Variants in ASXL2 observed in about 807,000 individuals in gnomAD.
ASXL2 encodes the protein putative Polycomb group protein ASXL2.
Under a neutral mutation model 122.0 loss-of-function variants are expected in ASXL2, and 23 were observed. That is an observed-to-expected ratio of 0.19 (90% confidence interval 0.14 to 0.27). The LOEUF (loss-of-function observed/expected upper bound fraction) is 0.27, where lower values mean the gene tolerates loss of function less well. Among genes scored for constraint, ASXL2 ranks in the 10% least tolerant of loss-of-function variants. The pLI is 1.00. For synonymous variants in ASXL2, 650 were observed against 637.0 expected, an observed-to-expected ratio of 1.02 and a Z score of -0.31; for missense variants, 1,518 against 1,713.8, an observed-to-expected ratio of 0.89 and a Z score of 2.02.
At chr2:25,835,905 T>C (rs2089504772) in intron 2 of ASXL2, among the ~76,000 whole-genome samples, 1 of 152,214 alleles carries the variant, frequency 6.6e-6, no homozygotes, top group African/African-American at 2.4e-5. Flanking sequence ...CAAGGAGCCA[T>C]CATAACGCCA....
At chr2:25,856,443 C>T in intron 1 of ASXL2, 2 of 877,830 alleles carry the variant, frequency 2.3e-6, no homozygotes, top group East Asian at 3.0e-5. Flanking sequence ...CCAGTGGAGT[C>T]CTGGAGTCTC....
At chr2:25,760,443 T>G (rs1396885673) in intron 8 of ASXL2, among the ~76,000 whole-genome samples, 2 of 152,160 alleles carry the variant, frequency 1.3e-5, no homozygotes, top group Non-Finnish European at 2.9e-5. Context: ...GGCAAAATAT[T>G]GTAATATGGT....
chr2:25,781,926 T>G (rs1336297198), intron 5 of ASXL2, among the ~76,000 whole-genome samples: 1 of 145,976 alleles, frequency 6.9e-6, no homozygotes, highest in Non-Finnish European at 1.5e-5. Context: ...CCTCCCAAAG[T>G]GCTAGGATAA....
chr2:25,838,675 T>C (rs536646726), intron 2 of ASXL2, among the ~76,000 whole-genome samples: 18 of 152,288 alleles, frequency 1.2e-4, no homozygotes, highest in African/African-American at 4.3e-4. Flanking sequence ...GCTCTTTGTT[T>C]CTCTGCAAAC....
chr2:25,868,448 G>A (rs2089927886), intron 1 of ASXL2, among the ~76,000 whole-genome samples: 1 of 152,220 alleles, frequency 6.6e-6, no homozygotes, highest in Non-Finnish European at 1.5e-5. Context: ...CTTACTCAGA[G>A]GATACTATAA....
At chr2:25,805,541 A>T (rs1266283204) in intron 4 of ASXL2, among the ~76,000 whole-genome samples, 1 of 152,108 alleles carries the variant, frequency 6.6e-6, no homozygotes, top group Admixed American at 6.5e-5. Context: ...CCCAACTGTG[A>T]ATTGTGAGAG....
rs2087771346 is a variant in ASXL2 at position 25,738,396 on chromosome 2, C to G, written c.*3633G>C. 6.6e-6 allele frequency: 1 copy of G among 152,158 alleles called. No individual in the cohort carries two copies. The allele number at this position is 152,158 out of a possible 1,614,324, so 9.4% of individuals were successfully genotyped here. On this transcript the variant is annotated 3_prime_UTR_variant, in exon 13 of 13. Coordinates refer to ENST00000435504, the MANE Select transcript of ASXL2 (RefSeq NM_018263.6). Reference sequence around the variant, plus strand: ...GGCCCCTGCCTATCACCATGTTTCTCAAAGTCTCTTTGGACTATTCTATAA... The same window carrying G: ...GGCCCCTGCCTATCACCATGTTTCTGAAAGTCTCTTTGGACTATTCTATAA...
In ASXL2 at chr2:25,781,959, C is replaced by CTTTTTTTTTTTTTTTTTTTTTT; in HGVS notation, c.404-10420_404-10419insAAAAAAAAAAAAAAAAAAAAAA. ...TAACAGGCGTGAGCCACCGCCCGGGCTTTTTTCTTTTTTTTTTTTTTTTTT... is the reference window on the plus strand; with the variant it reads ...TAACAGGCGTGAGCCACCGCCCGGGCTTTTTTTTTTTTTTTTTTTTTTTTTTTTCTTTTTTTTTTTTTTTTTT... On this transcript the variant is annotated intron_variant, in intron 5 of 12. Transcript: ENST00000435504. Among the ~76,000 whole-genome samples, 2 of 88,400 alleles carry CTTTTTTTTTTTTTTTTTTTTTT rather than the reference C, an allele frequency of 2.3e-5. 1 individual carries two copies. The highest frequency in any genetic ancestry group is 4.7e-5 in the Non-Finnish European group (2 of 42,690). The allele number at this position is 88,400 out of a possible 152,430, so 58.0% of individuals were successfully genotyped here.
At chr2:25,872,750 A>G (rs879035844) in intron 1 of ASXL2, among the ~76,000 whole-genome samples, 1 of 152,198 alleles carries the variant, frequency 6.6e-6, no homozygotes, top group Admixed American at 6.5e-5. Context: ...CTGTTAATGA[A>G]AACAGTTTAC....
intron 3 of ASXL2, among the ~76,000 whole-genome samples, chr2:25,827,654 C>T (rs1237963494): frequency 6.6e-6 from 1 of 152,170 alleles, no homozygotes; most frequent in Non-Finnish European, 1.5e-5. Flanking sequence ...TTTGTTTCTT[C>T]ATACTCTTTT....
chr2:25,853,814 C>T (rs778577988), intron 1 of ASXL2, among the ~76,000 whole-genome samples: 8 of 151,792 alleles, frequency 5.3e-5, no homozygotes, highest in South Asian at 4.1e-4. Context: ...CAGCCTTATT[C>T]ATCTAGTATT....
chr2:25,863,962 C>T (rs1364427034), intron 1 of ASXL2, among the ~76,000 whole-genome samples: 3 of 150,072 alleles, frequency 2.0e-5, no homozygotes, highest in Non-Finnish European at 4.4e-5. Flanking sequence ...GCTGAGATCA[C>T]GCCACTGCAC....
chr2:25,768,812 G>A lies in ASXL2; in HGVS notation c.561C>T (p.Ser187=), dbSNP rs2088397285. Residue 187 remains serine, a synonymous_variant, in exon 7 of 13, where the codon TCC becomes TCT. Coordinates refer to ENST00000435504, the MANE Select transcript of ASXL2 (RefSeq NM_018263.6). ...KQQQQCRPSI[S]ISSNQHLSLK... ...GTGAGAGATGCTGGTTGGAGGAGAT[G>A]GATATGCTTGGCCTGCATTGCTGCT... 4 of 1,613,734 alleles carry A rather than the reference G, an allele frequency of 2.5e-6. No individual in the cohort carries two copies. Among genetic ancestry groups the A allele is most frequent in the Admixed American group, 1.7e-5 (1 of 60,006 alleles).
intron 11 of ASXL2, among the ~76,000 whole-genome samples, chr2:25,752,908 C>T (rs780084498): frequency 2.7e-5 from 4 of 149,360 alleles, no homozygotes; most frequent in Admixed American, 6.7e-5. Context: ...TATAAAGTAA[C>T]CAGAAGAAAA....
At chr2:25,762,665 G>GAAAAAAAAAAAAAAAAA (rs60065368) in intron 8 of ASXL2, among the ~76,000 whole-genome samples, 6 of 34,256 alleles carry the variant, frequency 1.8e-4, no homozygotes, top group Non-Finnish European at 1.9e-4. Context: ...ACTCTTTCTC[G>GAAAAAAAAAAAAAAAAA]AAAAAAAAAA....
intron 9 of ASXL2, among the ~76,000 whole-genome samples, chr2:25,756,615 G>A (rs560951159): frequency 1.3e-5 from 2 of 152,226 alleles, no homozygotes; most frequent in African/African-American, 2.4e-5. Context: ...CTTTCCAAAC[G>A]TATGTGGGTT....
intron 12 of ASXL2, among the ~76,000 whole-genome samples, chr2:25,746,326 T>G (rs1412553631): frequency 6.6e-6 from 1 of 152,138 alleles, no homozygotes; most frequent in African/African-American, 2.4e-5. Context: ...AGAGTATATA[T>G]TTTACATCAG....
chr2:25,834,123 C>T (rs1336564239), intron 3 of ASXL2, among the ~76,000 whole-genome samples: 2 of 152,036 alleles, frequency 1.3e-5, no homozygotes, highest in Admixed American at 1.3e-4. Flanking sequence ...GAGGCCAAGG[C>T]GGGCAGATCA....
rs778415026 is a variant in ASXL2, at chr2:25,743,586, C to T, written c.2751G>A (p.Ser917=). 7.4e-6 allele frequency: 12 copies of T among 1,613,776 alleles called. No individual in the cohort carries two copies. Among genetic ancestry groups the T allele is most frequent in the South Asian group, 5.5e-5 (5 of 91,080 alleles). ...TTAPAGSAPP[S]STLPAASSLK... ...GGCTAGAAGCTGCTGGCAAAGTGCT[C>T]GAGGGTGGAGCTGATCCAGCAGGTG... Residue 917 remains serine (S), a synonymous_variant, in exon 13 of 13, where the codon TCG becomes TCA. Coordinates refer to ENST00000435504, the MANE Select transcript of ASXL2 (RefSeq NM_018263.6).
Sources: allele counts gnomAD v4.1 joint callset (sites outside exome capture counted in the v4.1 genomes callset), GRCh38; gene constraint gnomAD v4.1.1; transcripts MANE v1.5; gene names NCBI Gene and HGNC (gene_info 2026-07-23, HGNC 2026-07-21).